KIRREL3: variants seen among roughly 807,000 people sequenced by gnomAD.
KIRREL3 encodes kirre like nephrin family adhesion molecule 3.
A neutral mutation model predicts 89.7 loss-of-function variants in KIRREL3; 36 were observed. The ratio of observed to expected loss-of-function variants is 0.40; its 90% CI spans 0.31 to 0.53. KIRREL3 has a LOEUF of 0.53. Ranked by LOEUF, KIRREL3 falls within the 20% of genes least tolerant of loss-of-function variation. The probability of loss-of-function intolerance (pLI) is 0.49; values close to 1 mark genes in which losing one functional copy is unlikely to be tolerated. For missense variants in KIRREL3, 864 were observed against 1,056.6 expected, an observed-to-expected ratio of 0.82 and a Z score of 2.53; for synonymous variants, 445 against 441.4, an observed-to-expected ratio of 1.01 and a Z score of -0.10.
chr11:126,859,440 C>T (rs1051886202), intron 1 of KIRREL3, among the ~76,000 whole-genome samples: 1 of 152,076 alleles, frequency 6.6e-6, no homozygotes, highest in East Asian at 1.9e-4. Context: ...TGGTGCTATA[C>T]AAGCCATTTT....
At chr11:126,546,545 A>C (rs1268810219) in intron 2 of KIRREL3, among the ~76,000 whole-genome samples, 1 of 152,198 alleles carries the variant, frequency 6.6e-6, no homozygotes. Context: ...TGTCCATTTC[A>C]TCTTAATACA....
chr11:126,910,947 A>T (rs772974283), intron 1 of KIRREL3, among the ~76,000 whole-genome samples: 15 of 152,184 alleles, frequency 9.9e-5, no homozygotes, highest in African/African-American at 2.7e-4. Flanking sequence ...TGAAAGACAG[A>T]TGTTCTCATT....
intron 1 of KIRREL3, among the ~76,000 whole-genome samples, chr11:126,894,280 C>T (rs1946048735): frequency 6.6e-6 from 1 of 152,084 alleles, no homozygotes; most frequent in African/African-American, 2.4e-5. Flanking sequence ...TCACTTGAAG[C>T]TATAGTCCAG....
At chr11:126,947,615 G>C (rs1266818336) in intron 1 of KIRREL3, among the ~76,000 whole-genome samples, 1 of 152,208 alleles carries the variant, frequency 6.6e-6, no homozygotes, top group Non-Finnish European at 1.5e-5. Context: ...ACAGCTTCAA[G>C]ATAAAGAACT....
chr11:126,858,410 G>A (rs1944603182), intron 1 of KIRREL3, among the ~76,000 whole-genome samples: 1 of 152,206 alleles, frequency 6.6e-6, no homozygotes, highest in Non-Finnish European at 1.5e-5. Context: ...AGGCTGGGAT[G>A]ATGTGGCAGG....
At position 126,776,090 on chromosome 11, in the gene KIRREL3, G is replaced by A. The variant is rs1488280706; in HGVS notation, c.56-213178C>T. 6.6e-6 allele frequency among the ~76,000 whole-genome samples: 1 copy of A among 152,222 alleles called. No individual in the cohort carries two copies. On this transcript the variant is annotated intron_variant, in intron 1 of 16. Coordinates refer to ENST00000525144, the MANE Select transcript of KIRREL3 (RefSeq NM_032531.4). This position sits in a 1 kb window ranked among gnomAD's most constrained non-coding sequence, Gnocchi z 4.7. Reference sequence around the variant, plus strand: ...GGAAGTCAGGCCTGGCCTGGGGATTGTGGGGTGACCTTCGCTGCAGGGGAT... The same window carrying A: ...GGAAGTCAGGCCTGGCCTGGGGATTATGGGGTGACCTTCGCTGCAGGGGAT...
rs367900043 is a variant in KIRREL3 at position 126,665,568 on chromosome 11, C to T, written c.56-102656G>A. Among the ~76,000 whole-genome samples, 19 of 152,334 alleles carry T rather than the reference C, an allele frequency of 1.2e-4. No homozygotes were observed. The East Asian group carries it at 2.1e-3, about 17-fold the overall frequency. Reference sequence around the variant, plus strand: ...GTGAAAGAGGCCCCAGAGAGCTGCCCTCTTCCACCATGTGAGGACAGAGAA... The same window carrying T: ...GTGAAAGAGGCCCCAGAGAGCTGCCTTCTTCCACCATGTGAGGACAGAGAA... On this transcript the variant is annotated intron_variant, in intron 1 of 16. Transcript: ENST00000525144.
At chr11:126,460,062 G>A (rs191751265) in intron 6 of KIRREL3, among the ~76,000 whole-genome samples, 106 of 152,164 alleles carry the variant, frequency 7.0e-4, no homozygotes, top group African/African-American at 2.2e-3. Flanking sequence ...GTAAACAGTT[G>A]GATGCTGACT....
In KIRREL3 at chr11:126,830,013, G is replaced by GGT. The variant is rs1252062080; in HGVS notation, c.55+170441_55+170442insAC. Among the ~76,000 whole-genome samples the GGT allele has an allele frequency of 9.1e-4, 139 of 152,148 alleles. 1 individual carries two copies. Among genetic ancestry groups the GGT allele is most frequent in the African/African-American group, 3.1e-3 (129 of 41,522 alleles). On this transcript the variant is annotated intron_variant, in intron 1 of 16. Transcript: ENST00000525144. The surrounding 1 kb of genome is among the most constrained non-coding windows in gnomAD (Gnocchi z 4.9). ...ATCTGCCTCTTTTGTTTTTCTTCCA[G>GGT]ACTAAACCTTTCAAGGTACAAAAAT...
At chr11:126,504,518 A>G (rs938057231) in intron 4 of KIRREL3, among the ~76,000 whole-genome samples, 6 of 152,368 alleles carry the variant, frequency 3.9e-5, no homozygotes, top group African/African-American at 1.4e-4. Context: ...TCAAGTAAAG[A>G]GATTGGACTA....
At chr11:126,646,096 G>A (rs1017195084) in intron 1 of KIRREL3, among the ~76,000 whole-genome samples, 2 of 151,906 alleles carry the variant, frequency 1.3e-5, no homozygotes, top group Non-Finnish European at 2.9e-5. Flanking sequence ...CTTTACAGCC[G>A]GCAGCTAATT....
Position 126,723,530 on chromosome 11 carries a change from A to G in KIRREL3, c.56-160618T>C, listed in dbSNP as rs539268463. Among the ~76,000 whole-genome samples, 1 of 152,332 alleles carries G rather than the reference A, an allele frequency of 6.6e-6. No homozygotes were observed. Among genetic ancestry groups the G allele is most frequent in the Non-Finnish European group, 1.5e-5 (1 of 68,024 alleles). On this transcript the variant is annotated intron_variant, in intron 1 of 16. Coordinates refer to ENST00000525144, the MANE Select transcript of KIRREL3 (RefSeq NM_032531.4). This position sits in a 1 kb window ranked among gnomAD's most constrained non-coding sequence, Gnocchi z 4.0. The stretch of plus-strand genomic sequence containing the variant: ...ACATTTACCTCACACCTCCCTTAGT[A>G]GGCAAGAAAGCATTTCCTAAACCCT...
chr11:126,678,250 T>C (rs2135087466), intron 1 of KIRREL3, among the ~76,000 whole-genome samples: 1 of 152,296 alleles, frequency 6.6e-6, no homozygotes, highest in South Asian at 2.1e-4. Context: ...ACTAGTAATA[T>C]GTGATTGCAC....
rs556669758 is a variant in KIRREL3, at chr11:126,917,056, G to A, written c.55+83399C>T. On this transcript the variant is annotated intron_variant, in intron 1 of 16. Coordinates refer to ENST00000525144, the MANE Select transcript of KIRREL3 (RefSeq NM_032531.4). This position sits in a 1 kb window ranked among gnomAD's most constrained non-coding sequence, Gnocchi z 5.0. ...TAACCAAAAAGTAGAAGTCACCCAC[G>A]TGTCTAACAGATGAATGCAAACACA... Among the ~76,000 whole-genome samples, 7 of 152,280 alleles carry A rather than the reference G, an allele frequency of 4.6e-5. No individual in the cohort carries two copies. The highest frequency in any genetic ancestry group is 4.1e-4 in the South Asian group (2 of 4,830).
In KIRREL3 at chr11:126,924,889, G is replaced by A. The variant is rs1399362002; in HGVS notation, c.55+75566C>T. 6.6e-6 allele frequency among the ~76,000 whole-genome samples: 1 copy of A among 151,902 alleles called. No individual in the cohort carries two copies. Among genetic ancestry groups the A allele is most frequent in the Non-Finnish European group, 1.5e-5 (1 of 68,014 alleles). Reference sequence around the variant, plus strand: ...CTCTCCAACAGCATGAATATTCGGTGTGACTGTGGCTCTGTGTATGTGTGT... The same window carrying A: ...CTCTCCAACAGCATGAATATTCGGTATGACTGTGGCTCTGTGTATGTGTGT... On this transcript the variant is annotated intron_variant, in intron 1 of 16. Coordinates refer to ENST00000525144, the MANE Select transcript of KIRREL3 (RefSeq NM_032531.4). This position sits in a 1 kb window ranked among gnomAD's most constrained non-coding sequence, Gnocchi z 4.7.
chr11:126,746,777 T>C (rs1459614921), intron 1 of KIRREL3, among the ~76,000 whole-genome samples: 3 of 152,176 alleles, frequency 2.0e-5, no homozygotes, highest in Non-Finnish European at 4.4e-5. Flanking sequence ...ATTACAAGTA[T>C]TGCAACCCCT....
chr11:126,882,442 T>C lies in KIRREL3; in HGVS notation c.55+118013A>G, dbSNP rs117487485. Among the ~76,000 whole-genome samples, 1,072 of 152,266 alleles carry C rather than the reference T, an allele frequency of 7.0e-3. 9 individuals carry two copies. The highest frequency in any genetic ancestry group is 0.012 in the Non-Finnish European group (833 of 68,022). On this transcript the variant is annotated intron_variant, in intron 1 of 16. Transcript: ENST00000525144. ...GCAACACAAATCATCCCTACCTATT[T>C]GCATTTTGCTGTTACAAAATATAGA... is the stretch of plus-strand genomic sequence containing the variant.
intron 1 of KIRREL3, among the ~76,000 whole-genome samples, chr11:126,680,917 A>C (rs1302501368): frequency 1.3e-5 from 2 of 152,198 alleles, no homozygotes; most frequent in African/African-American, 4.8e-5. Flanking sequence ...TGAATATATT[A>C]TATGAAAAAT....
At chr11:126,436,176 C>T (rs1258946556) in intron 12 of KIRREL3, among the ~76,000 whole-genome samples, 1 of 152,162 alleles carries the variant, frequency 6.6e-6, no homozygotes, top group Non-Finnish European at 1.5e-5. Flanking sequence ...CCCTCTCACC[C>T]ACCCGGCTGC....
Sources: gnomAD v4.1 joint callset for allele counts (sites outside exome capture counted in the v4.1 genomes callset) on GRCh38, gnomAD v4.1.1 for gene constraint, Gnocchi (gnomAD v3.1) non-coding constraint, MANE v1.5 for transcripts, NCBI Gene and HGNC (gene_info 2026-07-23, HGNC 2026-07-21) for gene names.